The following DENND1B variants were observed in gnomAD, a reference collection of about 807,000 sequenced individuals.
The protein encoded by DENND1B is DENN domain-containing protein 1B.
In DENND1B, 59 loss-of-function variants were observed where a neutral mutation model predicts 90.1. The observed-to-expected ratio is 0.65, with a 90% CI of 0.53 to 0.81. The LOEUF (loss-of-function observed/expected upper bound fraction) is 0.81, where lower values mean the gene tolerates loss of function less well. Among genes scored for constraint, DENND1B ranks in the 40% least tolerant of loss-of-function variants. The pLI is 0.00. For synonymous variants in DENND1B, 337 were observed against 324.6 expected, an observed-to-expected ratio of 1.04 and a Z score of -0.41; for missense variants, 862 against 912.6, an observed-to-expected ratio of 0.94 and a Z score of 0.71.
chr1:197,694,824 C>T (rs1658265460), intron 3 of DENND1B, among the ~76,000 whole-genome samples: 1 of 151,074 alleles, frequency 6.6e-6, no homozygotes, highest in South Asian at 2.1e-4. Flanking sequence ...ATATAAAAAC[C>T]TCACCTCTAA....
At chr1:197,662,644 T>C (rs1654530695) in intron 5 of DENND1B, among the ~76,000 whole-genome samples, 1 of 152,086 alleles carries the variant, frequency 6.6e-6, no homozygotes, top group Admixed American at 6.6e-5. Flanking sequence ...TGTATACATG[T>C]GCCATGTTGG....
chr1:197,579,698 T>C (rs1286689233), intron 15 of DENND1B, among the ~76,000 whole-genome samples: 2 of 152,198 alleles, frequency 1.3e-5, no homozygotes, highest in Admixed American at 6.5e-5. Context: ...CAACTTCCTA[T>C]ATTTTCCATT....
intron 16 of DENND1B, among the ~76,000 whole-genome samples, chr1:197,547,727 T>G (rs75870163): frequency 6.6e-6 from 1 of 152,180 alleles, no homozygotes; most frequent in African/African-American, 2.4e-5. Flanking sequence ...CAGGTGGTAT[T>G]TGGCTTGACC....
At chr1:197,686,721 CT>C (rs767332497) in intron 3 of DENND1B, among the ~76,000 whole-genome samples, 1,788 of 145,130 alleles carry the variant, frequency 0.012, 27 homozygotes, top group African/African-American at 0.039. Context: ...ATATCTGTCT[CT>C]TTTTTTTTTT....
At chr1:197,544,982 G>GA (rs1448717927) in intron 18 of DENND1B, among the ~76,000 whole-genome samples, 8 of 22,158 alleles carry the variant, frequency 3.6e-4, no homozygotes, top group Admixed American at 6.8e-4. Context: ...GAAGGAGGAA[G>GA]GGGAAGAAGG....
intron 2 of DENND1B, among the ~76,000 whole-genome samples, chr1:197,725,006 G>T (rs1286861461): frequency 1.3e-5 from 2 of 151,928 alleles, no homozygotes; most frequent in Non-Finnish European, 2.9e-5. Flanking sequence ...TAAAAGATCA[G>T]ACCAAAGATA....
At chr1:197,674,228 T>C (rs1467257368) in intron 3 of DENND1B, 59 bp from the exon 4 acceptor site, 3 of 1,275,814 alleles carry the variant, frequency 2.4e-6, no homozygotes, top group Non-Finnish European at 3.3e-6. Flanking sequence ...TAAGAAGCAG[T>C]TAAAACTTCT....
intron 2 of DENND1B, among the ~76,000 whole-genome samples, chr1:197,754,620 G>A (rs1305408228): frequency 5.4e-5 from 7 of 129,254 alleles, no homozygotes; most frequent in Admixed American, 3.6e-4. Flanking sequence ...ATCGTGCTAC[G>A]CCGCACTCTA....
At chr1:197,701,879 A>G (rs1487862934) in intron 3 of DENND1B, among the ~76,000 whole-genome samples, 1 of 152,214 alleles carries the variant, frequency 6.6e-6, no homozygotes, top group Admixed American at 6.5e-5. Context: ...TTAAAAATAT[A>G]GCATTACTTT....
intron 3 of DENND1B, among the ~76,000 whole-genome samples, chr1:197,696,085 C>A (rs1571392765): frequency 6.6e-6 from 1 of 151,068 alleles, no homozygotes; most frequent in South Asian, 2.1e-4. Flanking sequence ...TCAATAATGA[C>A]CCATTAGTCA....
At chr1:197,627,480 A>C (rs878997238) in intron 10 of DENND1B, among the ~76,000 whole-genome samples, 1 of 151,910 alleles carries the variant, frequency 6.6e-6, no homozygotes, top group Non-Finnish European at 1.5e-5. Flanking sequence ...ATTCAAGAAC[A>C]CTTCATGCTA....
chr1:197,537,217 C>T (rs1237316033), intron 20 of DENND1B, among the ~76,000 whole-genome samples: 4 of 152,124 alleles, frequency 2.6e-5, no homozygotes. Flanking sequence ...ATTTGCATCA[C>T]AATTCTAAAC....
intron 2 of DENND1B, among the ~76,000 whole-genome samples, chr1:197,770,691 A>C (rs1656378125): frequency 7.0e-6 from 1 of 142,410 alleles, no homozygotes; most frequent in African/African-American, 2.6e-5. Flanking sequence ...CATATCTATA[A>C]ATATATATCT....
At chr1:197,663,302 G>A (rs1654604964) in intron 5 of DENND1B, among the ~76,000 whole-genome samples, 1 of 152,010 alleles carries the variant, frequency 6.6e-6, no homozygotes, top group Non-Finnish European at 1.5e-5. Flanking sequence ...ACATGTACTG[G>A]CTCTCAGTGA....
At chr1:197,632,538 C>A (rs12041661) in intron 10 of DENND1B, among the ~76,000 whole-genome samples, 24,342 of 152,106 alleles carry the variant, frequency 0.16, 2,239 homozygotes, top group Non-Finnish European at 0.2. Flanking sequence ...GACTCACTGA[C>A]ACTGTTATAG....
At chr1:197,700,993 G>T (rs1658968817) in intron 3 of DENND1B, among the ~76,000 whole-genome samples, 1 of 152,190 alleles carries the variant, frequency 6.6e-6, no homozygotes, top group Non-Finnish European at 1.5e-5. Context: ...ATGTAAATTA[G>T]TTCAACCATT....
intron 2 of DENND1B, chr1:197,734,631 T>C (rs1662466577): frequency 1.0e-6 from 1 of 984,708 alleles, no homozygotes; most frequent in Non-Finnish European, 1.2e-6. Context: ...AAAAAAACTT[T>C]GCAAAATAAT....
intron 3 of DENND1B, among the ~76,000 whole-genome samples, chr1:197,703,549 T>C (rs1456231064): frequency 6.6e-6 from 1 of 152,194 alleles, no homozygotes; most frequent in African/African-American, 2.4e-5. Context: ...ATCATCATCA[T>C]TTTGACTTTG....
chr1:197,767,431 C>T (rs1440622880), intron 2 of DENND1B, among the ~76,000 whole-genome samples: 1 of 151,996 alleles, frequency 6.6e-6, no homozygotes, highest in African/African-American at 2.4e-5. Context: ...TGGCTTAAGG[C>T]TCTAATTTAA....
Sources: gnomAD v4.1 joint callset for allele counts (sites outside exome capture counted in the v4.1 genomes callset) on GRCh38, gnomAD v4.1.1 for gene constraint, MANE v1.5 for transcripts, NCBI Gene and HGNC (gene_info 2026-07-23, HGNC 2026-07-21) for gene names.